The following CIITA variants were observed in gnomAD, a reference collection of about 807,000 sequenced individuals.
CIITA encodes MHC class II transactivator.
CIITA carries 72 observed loss-of-function variants against 115.1 expected under a neutral mutation model. The ratio of observed to expected loss-of-function variants is 0.63; its 90% CI spans 0.52 to 0.76. CIITA has a LOEUF of 0.76. Among genes scored for constraint, CIITA ranks in the 30% least tolerant of loss-of-function variants. The pLI is 0.00. For missense variants in CIITA, 1,617 were observed against 1,463.8 expected (o/e 1.10, Z -1.71); for synonymous variants, 763 against 635.6 (o/e 1.20, Z -3.02).
rs1363424656 is a variant in CIITA, at chr16:10,923,663, G to A, written c.*23-215G>A. Among the ~76,000 whole-genome samples the A allele has an allele frequency of 6.6e-6, 1 of 152,100 alleles. No individual in the cohort carries two copies. The highest frequency in any genetic ancestry group is 2.4e-5 in the African/African-American group (1 of 41,420). On this transcript the variant is annotated intron_variant, in intron 19 of 19. Coordinates refer to ENST00000324288, the MANE Select transcript of CIITA (RefSeq NM_000246.4). The surrounding 1 kb of genome is among the most constrained non-coding windows in gnomAD (Gnocchi z 5.2). ...GCTTGGTGGCTGCCCTGATGCTCCGGGTTTGTCTCAGATGAACTTGCTTGA... is the reference window on the plus strand; with the variant it reads ...GCTTGGTGGCTGCCCTGATGCTCCGAGTTTGTCTCAGATGAACTTGCTTGA...
In CIITA at chr16:10,942,301, C is replaced by T; in HGVS notation, n.1427C>T. The T allele has an allele frequency of 3.4e-6, 1 of 293,934 alleles. No individual in the cohort carries two copies. The highest frequency in any genetic ancestry group is 6.4e-6 in the Non-Finnish European group (1 of 156,978). 18.2% of individuals were successfully genotyped at this position (293,934 alleles called of 1,614,324 possible). On this transcript the variant is annotated non_coding_transcript_exon_variant, in exon 2 of 2. Coordinates refer to the CIITA transcript ENST00000573379. The surrounding 1 kb of genome is among the most constrained non-coding windows in gnomAD (Gnocchi z 5.0). ...TCCCTCGTGGCGCCTCCCTGGCGCT[C>T]GCAGGGCCTCGCAGAGCCGGTGGGG...
chr16:10,885,268 C>A (rs2036826433), intron 1 of CIITA, among the ~76,000 whole-genome samples: 1 of 152,190 alleles, frequency 6.6e-6, no homozygotes, highest in Non-Finnish European at 1.5e-5. Context: ...TAGAGCCAAC[C>A]AATAGCAATA....
At chr16:10,900,960 T>C (rs1412279106) in intron 5 of CIITA, among the ~76,000 whole-genome samples, 1 of 152,156 alleles carries the variant, frequency 6.6e-6, no homozygotes, top group East Asian at 1.9e-4. Flanking sequence ...AATTGCAGAT[T>C]TACACTCCCC....
At position 10,941,782 on chromosome 16, in the gene CIITA, T is replaced by G; in HGVS notation, n.908T>G. 3.1e-6 allele frequency: 5 copies of G among 1,613,272 alleles called. No homozygotes were observed. Among genetic ancestry groups the G allele is most frequent in the Non-Finnish European group, 4.2e-6 (5 of 1,179,746 alleles). ...AGCATCGTAAAGGCCCGAGCCGGGGTCGGAGAGCACGCCGAGGTCCACGAG... is the reference window on the plus strand; with the variant it reads ...AGCATCGTAAAGGCCCGAGCCGGGGGCGGAGAGCACGCCGAGGTCCACGAG... On this transcript the variant is annotated non_coding_transcript_exon_variant, in exon 2 of 2. Transcript: ENST00000573379. The surrounding 1 kb of genome is among the most constrained non-coding windows in gnomAD (Gnocchi z 6.4).
At position 10,907,519 on chromosome 16, in the gene CIITA, A is replaced by T. The variant is rs574001136; in HGVS notation, c.2027A>T (p.Gln676Leu). The T allele has an allele frequency of 1.1e-5, 17 of 1,614,080 alleles. No individual in the cohort carries two copies. The Admixed American group carries it at 2.2e-4, about 21-fold the overall frequency. Residue 676 changes from glutamine to leucine, a missense_variant, in exon 11 of 20, where the codon CAG becomes CTG. Gln to Leu is a moderately radical substitution (Grantham distance 113). Transcript: ENST00000324288. The surrounding 1 kb of genome is among the most constrained non-coding windows in gnomAD (Gnocchi z 5.0). Reference protein sequence around the residue: ...ELGRRHQSTLQEDQFPSADVR... With the variant: ...ELGRRHQSTLLEDQFPSADVR... The stretch of plus-strand genomic sequence containing the variant: ...GGCCGCAGACATCAAAGTACCCTAC[A>T]GGAGGACCAGTTCCCATCCGCAGAC...
chr16:10,903,649 C>A, intron 8 of CIITA, 82 bp from the exon 9 acceptor site: 1 of 1,447,408 alleles, frequency 6.9e-7, no homozygotes, highest in Non-Finnish European at 9.7e-7. Flanking sequence ...CTCCACAGCC[C>A]AGTTTGGAGT....
At chr16:10,912,932 G>A (rs1421595366) in intron 13 of CIITA, among the ~76,000 whole-genome samples, 1 of 152,238 alleles carries the variant, frequency 6.6e-6, no homozygotes, top group Non-Finnish European at 1.5e-5. Flanking sequence ...GCACCCTGTA[G>A]ACCTCATCTG....
chr16:10,873,133 C>T (rs1003940360), upstream of CIITA, among the ~76,000 whole-genome samples: 38 of 152,170 alleles, frequency 2.5e-4, no homozygotes, highest in Middle Eastern at 6.8e-3. Context: ...CCACTATGCC[C>T]GGCTAATTTT....
At position 10,907,806 on chromosome 16, in the gene CIITA, G is replaced by A; in HGVS notation, c.2314G>A (p.Ala772Thr). The change falls in exon 11 of 20, where the codon GCC (alanine) becomes ACC (threonine). Residue 772 changes from alanine to threonine, a missense_variant. Coordinates refer to ENST00000324288, the MANE Select transcript of CIITA (RefSeq NM_000246.4). The surrounding 1 kb of genome is among the most constrained non-coding windows in gnomAD (Gnocchi z 5.0). ...CCAGCCTCCCGCCCGCTGCCTGGGA[G>A]CCCTACTCGGGCCATCGGCGGCTGC... ...IFQPPARCLG[A>T]LLGPSAAASV... The A allele has an allele frequency of 1.9e-6, 3 of 1,614,162 alleles. No individual in the cohort carries two copies. The highest frequency in any genetic ancestry group is 1.7e-6 in the Non-Finnish European group (2 of 1,180,000).
intron 10 of CIITA, among the ~76,000 whole-genome samples, chr16:10,905,659 GGCCGAGGCA>G (rs1222107411): frequency 6.6e-6 from 1 of 152,104 alleles, no homozygotes; most frequent in Non-Finnish European, 1.5e-5. Context: ...CTACTTGGCA[GGCCGAGGCA>G]GGAGAATCGC....
chr16:10,929,412 G>A lies in CIITA; in HGVS notation c.*5557G>A. ...GGCCATCGATTTGACACTGCAGGCA[G>A]ATGAGGTCTTGGGATGCCTCTTGCG... On this transcript the variant is annotated 3_prime_UTR_variant, in exon 20 of 20. Transcript: ENST00000324288. The surrounding 1 kb of genome is among the most constrained non-coding windows in gnomAD (Gnocchi z 4.3). The A allele has an allele frequency of 6.1e-6, 6 of 985,928 alleles. No homozygotes were observed. The highest frequency in any genetic ancestry group is 7.2e-6 in the Non-Finnish European group (6 of 829,958). 61.1% of individuals were successfully genotyped at this position (985,928 alleles called of 1,614,324 possible).
chr16:10,874,964 C>A (rs1224416867), upstream of CIITA, among the ~76,000 whole-genome samples: 4 of 151,972 alleles, frequency 2.6e-5, no homozygotes, highest in East Asian at 7.7e-4. Context: ...CTTAGAATTT[C>A]TTTCTTTTTT....
intron 1 of CIITA, among the ~76,000 whole-genome samples, chr16:10,872,132 T>G (rs1032304030): frequency 2.0e-5 from 3 of 152,136 alleles, no homozygotes; most frequent in Non-Finnish European, 2.9e-5. Context: ...TAATTTTTTT[T>G]GGGTGGGGGG....
Position 10,941,910 on chromosome 16 carries a change from G to A in CIITA, n.1036G>A. 1 of 1,607,674 alleles carries A rather than the reference G, an allele frequency of 6.2e-7. No homozygotes were observed. Among genetic ancestry groups the A allele is most frequent in the East Asian group, 2.2e-5 (1 of 44,736 alleles). ...GGATCAGCACATTGACGAAGAACAG[G>A]CCCACGTAGAACATAGAGGGCAGCA... is the stretch of plus-strand genomic sequence containing the variant. On this transcript the variant is annotated non_coding_transcript_exon_variant, in exon 2 of 2. Coordinates refer to the CIITA transcript ENST00000573379. The surrounding 1 kb of genome is among the most constrained non-coding windows in gnomAD (Gnocchi z 6.4).
chr16:10,893,584 G>A (rs903938689), intron 1 of CIITA, among the ~76,000 whole-genome samples: 8 of 151,878 alleles, frequency 5.3e-5, no homozygotes, highest in Non-Finnish European at 1.2e-4. Context: ...GGAGACAGGC[G>A]GATCACTTGA....
At chr16:10,881,900 C>T (rs1410910430) in intron 1 of CIITA, among the ~76,000 whole-genome samples, 4 of 152,162 alleles carry the variant, frequency 2.6e-5, no homozygotes, top group East Asian at 1.9e-4. Flanking sequence ...CTCTAGACAC[C>T]GCCTATAAAT....
In CIITA at chr16:10,879,148, G is replaced by T. The variant is rs543948423; in HGVS notation, c.52+1766G>T. 104 of 181,762 alleles carry T rather than the reference G, an allele frequency of 5.7e-4. No individual in the cohort carries two copies. In the East Asian group the frequency reaches 9.2e-3, roughly 16 times the overall value. 11.3% of individuals were successfully genotyped at this position (181,762 alleles called of 1,614,324 possible). On this transcript the variant is annotated intron_variant, in intron 1 of 19. Coordinates refer to ENST00000324288, the MANE Select transcript of CIITA (RefSeq NM_000246.4). The surrounding 1 kb of genome is among the most constrained non-coding windows in gnomAD (Gnocchi z 4.3). ...GGTCACACAGCAAGTCTGGGAGGAT[G>T]GGGGGATGGAATATGCAAAATGTAG...
chr16:10,877,153 T>A, upstream of CIITA: 1 of 676,060 alleles, frequency 1.5e-6, no homozygotes, highest in East Asian at 2.7e-5. Flanking sequence ...CCTCACTTGT[T>A]TCTTTGCATG....
At chr16:10,902,227 G>A in intron 7 of CIITA, 43 bp downstream of exon 7, 1 of 1,612,652 alleles carries the variant, frequency 6.2e-7, no homozygotes, top group South Asian at 1.1e-5. Context: ...CTCCCTCTTG[G>A]GAGGTGGATA....
Sources: allele counts gnomAD v4.1 joint callset (sites outside exome capture counted in the v4.1 genomes callset), GRCh38; gene constraint gnomAD v4.1.1; non-coding constraint Gnocchi (gnomAD v3.1); transcripts MANE v1.5; gene names NCBI Gene and HGNC (gene_info 2026-07-23, HGNC 2026-07-21).